Variants in WWOX observed in about 807,000 individuals in gnomAD.
WWOX encodes WW domain containing oxidoreductase.
In WWOX, 69 loss-of-function variants were observed where a neutral mutation model predicts 46.2. The ratio of observed to expected loss-of-function variants is 1.49; its 90% CI spans 1.23 to 1.82. The LOEUF (loss-of-function observed/expected upper bound fraction) is 1.82. WWOX is among the 40% of genes most tolerant of loss of function. WWOX has a pLI of 0.00. For synonymous variants in WWOX, 359 were observed against 202.6 expected, an observed-to-expected ratio of 1.77 and a Z score of -6.56; for missense variants, 919 against 542.6, an observed-to-expected ratio of 1.69 and a Z score of -6.89.
intron 8 of WWOX, among the ~76,000 whole-genome samples, chr16:78,792,095 G>A (rs2050617945): frequency 6.6e-6 from 1 of 152,122 alleles, no homozygotes; most frequent in African/African-American, 2.4e-5. Flanking sequence ...ACGGTTGCCT[G>A]TATCCCTTAG....
chr16:78,272,210 C>T (rs953764493), intron 5 of WWOX, among the ~76,000 whole-genome samples: 1 of 152,160 alleles, frequency 6.6e-6, no homozygotes, highest in African/African-American at 2.4e-5. Context: ...GTCAGTGGTG[C>T]TATGCTGGAG....
At chr16:78,843,900 C>A (rs2052228199) in intron 8 of WWOX, among the ~76,000 whole-genome samples, 1 of 152,144 alleles carries the variant, frequency 6.6e-6, no homozygotes. Context: ...GGTAGCGTTT[C>A]AGCTGTCCAC....
chr16:79,073,323 G>C (rs1384062006), intron 8 of WWOX, among the ~76,000 whole-genome samples: 1 of 152,016 alleles, frequency 6.6e-6, no homozygotes, highest in Admixed American at 6.6e-5. Context: ...GGGATTACAG[G>C]TGCACGCCGC....
chr16:78,113,835 A>C (rs1278153125), intron 3 of WWOX, among the ~76,000 whole-genome samples: 1 of 152,142 alleles, frequency 6.6e-6, no homozygotes, highest in Non-Finnish European at 1.5e-5. Context: ...AAATAGAATG[A>C]GGATGAGGAT....
chr16:78,876,253 C>T (rs1019144441), intron 8 of WWOX, among the ~76,000 whole-genome samples: 2 of 150,496 alleles, frequency 1.3e-5, no homozygotes, highest in South Asian at 4.2e-4. Context: ...AAAAGCAGTT[C>T]TAAAACTTCT....
chr16:78,845,036 G>C (rs2052261199), intron 8 of WWOX, among the ~76,000 whole-genome samples: 1 of 152,048 alleles, frequency 6.6e-6, no homozygotes, highest in Non-Finnish European at 1.5e-5. Flanking sequence ...GAAGCGGTTG[G>C]AAAAGCTACA....
intron 8 of WWOX, among the ~76,000 whole-genome samples, chr16:78,672,102 T>G (rs188066705): frequency 6.6e-6 from 1 of 152,192 alleles, no homozygotes; most frequent in Non-Finnish European, 1.5e-5. Flanking sequence ...CTCTCCACTT[T>G]TGTAAAAGTT....
chr16:78,476,185 A>G (rs1359415387), intron 8 of WWOX, among the ~76,000 whole-genome samples: 1 of 152,140 alleles, frequency 6.6e-6, no homozygotes, highest in Non-Finnish European at 1.5e-5. Flanking sequence ...GTGAGATGGT[A>G]TCTCATTGTG....
intron 5 of WWOX, among the ~76,000 whole-genome samples, chr16:78,236,435 A>T (rs7204887): frequency 6.6e-6 from 1 of 151,996 alleles, no homozygotes; most frequent in African/African-American, 2.4e-5. Flanking sequence ...TGACAGACAC[A>T]TTAAGAGCTT....
intron 4 of WWOX, among the ~76,000 whole-genome samples, chr16:78,116,864 A>C (rs942235067): frequency 6.6e-6 from 1 of 152,186 alleles, no homozygotes; most frequent in South Asian, 2.1e-4. Context: ...ATATGTGACT[A>C]CTGATTGTTT....
chr16:78,771,102 G>T (rs544093077), intron 8 of WWOX, among the ~76,000 whole-genome samples: 12 of 152,312 alleles, frequency 7.9e-5, no homozygotes, highest in African/African-American at 2.9e-4. Context: ...CTGCAACACA[G>T]CAGGTGTGGA....
At chr16:78,698,227 G>A (rs145957739) in intron 8 of WWOX, among the ~76,000 whole-genome samples, 6 of 152,194 alleles carry the variant, frequency 3.9e-5, no homozygotes, top group East Asian at 3.9e-4. Flanking sequence ...GTTTGGATTC[G>A]GGCACTGGTG....
At chr16:79,205,872 T>C (rs149009028) in intron 8 of WWOX, 1 of 152,156 alleles carries the variant, frequency 6.6e-6, no homozygotes, top group Non-Finnish European at 1.5e-5. Context: ...AGCCCGCACC[T>C]ACATGCGTGG....
At chr16:78,513,222 ATAAAT>A (rs1252778047) in intron 8 of WWOX, among the ~76,000 whole-genome samples, 11 of 152,254 alleles carry the variant, frequency 7.2e-5, no homozygotes, top group Admixed American at 1.3e-4. Context: ...AATTAATAAA[ATAAAT>A]TATACTTCAA....
chr16:78,997,311 T>C (rs1249929336), intron 8 of WWOX, among the ~76,000 whole-genome samples: 1 of 152,134 alleles, frequency 6.6e-6, no homozygotes, highest in Non-Finnish European at 1.5e-5. Flanking sequence ...CATACCTATA[T>C]CAGCTTTGGA....
chr16:78,191,534 G>C (rs142157933), intron 5 of WWOX, among the ~76,000 whole-genome samples: 1 of 152,242 alleles, frequency 6.6e-6, no homozygotes, highest in African/African-American at 2.4e-5. Flanking sequence ...TACCTGTTTT[G>C]TACATATTAT....
At chr16:79,053,491 T>C (rs1421727035) in intron 8 of WWOX, among the ~76,000 whole-genome samples, 2 of 152,180 alleles carry the variant, frequency 1.3e-5, no homozygotes, top group African/African-American at 4.8e-5. Context: ...ATTTGCACAG[T>C]AAGGTAATGT....
intron 8 of WWOX, among the ~76,000 whole-genome samples, chr16:78,715,553 G>C (rs1203739693): frequency 6.9e-6 from 1 of 145,708 alleles, no homozygotes; most frequent in East Asian, 2.1e-4. Flanking sequence ...GTGTGATCTT[G>C]ACTCATTGCA....
intron 8 of WWOX, among the ~76,000 whole-genome samples, chr16:79,079,816 G>T (rs183633514): frequency 2.6e-5 from 4 of 152,190 alleles, no homozygotes; most frequent in East Asian, 1.9e-4. Context: ...AAGGAGAGAG[G>T]GTTGGACACA....
Sources: gnomAD v4.1 joint callset for allele counts (sites outside exome capture counted in the v4.1 genomes callset) on GRCh38, gnomAD v4.1.1 for gene constraint, MANE v1.5 for transcripts, NCBI Gene and HGNC (gene_info 2026-07-23, HGNC 2026-07-21) for gene names.